The following ADK variants were observed in gnomAD, a reference collection of about 807,000 sequenced individuals.
ADK encodes the protein adenosine kinase.
A neutral mutation model predicts 44.7 loss-of-function variants in ADK; 24 were observed. That is an observed-to-expected ratio of 0.54 (90% CI 0.39 to 0.76). The LOEUF is 0.76. Ranked by LOEUF, ADK falls within the 30% of genes least tolerant of loss-of-function variation. The pLI is 0.00. For synonymous variants in ADK, 128 were observed against 142.6 expected, an observed-to-expected ratio of 0.90 and a Z score of 0.73; for missense variants, 321 against 425.1, an observed-to-expected ratio of 0.76 and a Z score of 2.15.
chr10:74,283,305 A>G (rs1483320569), intron 3 of ADK, among the ~76,000 whole-genome samples: 2 of 151,912 alleles, frequency 1.3e-5, no homozygotes, highest in African/African-American at 4.8e-5. Context: ...ACTGCTTTAA[A>G]AAAAGTAATC....
intron 7 of ADK, among the ~76,000 whole-genome samples, chr10:74,537,134 C>T (rs1038174495): frequency 6.6e-6 from 1 of 152,174 alleles, no homozygotes; most frequent in Admixed American, 6.5e-5. Context: ...AAAATAATAG[C>T]CATCCTGCTG....
chr10:74,304,168 A>T (rs969171209), intron 3 of ADK, among the ~76,000 whole-genome samples: 6 of 152,130 alleles, frequency 3.9e-5, no homozygotes, highest in Non-Finnish European at 7.4e-5. Flanking sequence ...GGGGATTGAG[A>T]ATGCTTTGTA....
intron 4 of ADK, among the ~76,000 whole-genome samples, chr10:74,347,760 T>A (rs1841827603): frequency 6.6e-6 from 1 of 152,034 alleles, no homozygotes. Context: ...TACTGAGGCT[T>A]GAGTAGGTGG....
chr10:74,333,836 C>A (rs907273189), intron 4 of ADK, among the ~76,000 whole-genome samples: 1 of 151,912 alleles, frequency 6.6e-6, no homozygotes, highest in Non-Finnish European at 1.5e-5. Context: ...AAGTAGTTGG[C>A]AACTGAAAGT....
chr10:74,431,503 G>A (rs1473902030), intron 6 of ADK, among the ~76,000 whole-genome samples: 4 of 152,176 alleles, frequency 2.6e-5, no homozygotes, highest in African/African-American at 9.7e-5. Flanking sequence ...CACTTTGGGA[G>A]GCCGAGGTGG....
intron 4 of ADK, among the ~76,000 whole-genome samples, chr10:74,352,940 A>G (rs1346609796): frequency 6.6e-6 from 1 of 152,252 alleles, no homozygotes; most frequent in Non-Finnish European, 1.5e-5. Flanking sequence ...TTGTGGAGCA[A>G]TAGGAATGCT....
At chr10:74,586,868 A>AAT (rs1564806485) in intron 7 of ADK, among the ~76,000 whole-genome samples, 2 of 150,592 alleles carry the variant, frequency 1.3e-5, no homozygotes, top group Non-Finnish European at 2.9e-5. Flanking sequence ...AAAAAAAAAA[A>AAT]ATATATATGT....
chr10:74,226,971 T>TA (rs1252989398), intron 3 of ADK, among the ~76,000 whole-genome samples: 3 of 150,340 alleles, frequency 2.0e-5, no homozygotes, highest in Admixed American at 6.6e-5. Flanking sequence ...GTATTAATTT[T>TA]AAAAAATTAA....
At chr10:74,539,686 A>G (rs1849562602) in intron 7 of ADK, among the ~76,000 whole-genome samples, 1 of 152,168 alleles carries the variant, frequency 6.6e-6, no homozygotes, top group Admixed American at 6.5e-5. Context: ...GGATATACAT[A>G]ACCCCTTCAG....
intron 9 of ADK, among the ~76,000 whole-genome samples, chr10:74,630,928 A>G (rs548661299): frequency 6.7e-6 from 1 of 149,718 alleles, no homozygotes; most frequent in Non-Finnish European, 1.5e-5. Flanking sequence ...CTTATGTCAT[A>G]TGGACTCATG....
intron 1 of ADK, among the ~76,000 whole-genome samples, chr10:74,167,584 T>C (rs1342796139): frequency 6.6e-6 from 1 of 152,188 alleles, no homozygotes; most frequent in African/African-American, 2.4e-5. Flanking sequence ...TGAGATCCTC[T>C]CTGTGGTTTC....
intron 1 of ADK, among the ~76,000 whole-genome samples, chr10:74,153,737 T>A (rs535623085): frequency 6.6e-6 from 1 of 152,248 alleles, no homozygotes. Context: ...GCTCCCTAGA[T>A]GAAGGTGTTC....
intron 6 of ADK, among the ~76,000 whole-genome samples, chr10:74,413,958 G>A (rs1045657468): frequency 4.6e-5 from 7 of 152,174 alleles, no homozygotes; most frequent in Non-Finnish European, 8.8e-5. Context: ...GAGAGATGGG[G>A]TAATGGCCAG....
At chr10:74,154,249 C>T (rs1168960505) in intron 1 of ADK, among the ~76,000 whole-genome samples, 1 of 151,910 alleles carries the variant, frequency 6.6e-6, no homozygotes, top group Non-Finnish European at 1.5e-5. Flanking sequence ...CCTCTCAGTT[C>T]TCAGATCTTA....
chr10:74,673,932 C>T (rs558089833), intron 10 of ADK, among the ~76,000 whole-genome samples: 92 of 152,242 alleles, frequency 6.0e-4, no homozygotes, highest in African/African-American at 2.1e-3. Context: ...GAAGTCAAGC[C>T]GCTTCTCTCC....
chr10:74,389,295 T>G (rs1288156843), intron 4 of ADK, among the ~76,000 whole-genome samples: 2 of 152,212 alleles, frequency 1.3e-5, no homozygotes, highest in Admixed American at 1.3e-4. Context: ...CTAGTAGTTG[T>G]GACTTTGTAT....
intron 6 of ADK, among the ~76,000 whole-genome samples, chr10:74,444,648 A>G (rs1845534627): frequency 6.6e-6 from 1 of 152,090 alleles, no homozygotes; most frequent in Non-Finnish European, 1.5e-5. Context: ...GTGTAAACAT[A>G]TAATTTATAA....
At chr10:74,679,475 C>T (rs1271529492) in intron 10 of ADK, among the ~76,000 whole-genome samples, 1 of 152,038 alleles carries the variant, frequency 6.6e-6, no homozygotes, top group Non-Finnish European at 1.5e-5. Flanking sequence ...GTGTTTATCC[C>T]TAAAATCTTT....
chr10:74,284,818 G>A (rs1274693945), intron 3 of ADK, among the ~76,000 whole-genome samples: 2 of 152,208 alleles, frequency 1.3e-5, no homozygotes, highest in African/African-American at 4.8e-5. Context: ...GTCTTTTGCA[G>A]GACTTCCTCA....
Sources: gnomAD v4.1 joint callset for allele counts (sites outside exome capture counted in the v4.1 genomes callset) on GRCh38, gnomAD v4.1.1 for gene constraint, MANE v1.5 for transcripts, NCBI Gene and HGNC (gene_info 2026-07-23, HGNC 2026-07-21) for gene names.